Variants in SP140 observed in about 807,000 individuals in gnomAD.
The protein encoded by SP140 is SP140 nuclear body protein, also known as nuclear body protein SP140.
Under a neutral mutation model 125.0 loss-of-function variants are expected in SP140, and 81 were observed. The ratio of observed to expected loss-of-function variants is 0.65; its 90% CI spans 0.54 to 0.78. The LOEUF is 0.78. Among genes scored for constraint, SP140 ranks in the 30% least tolerant of loss-of-function variants. The pLI is 0.00. For synonymous variants in SP140, 312 were observed against 354.0 expected, an observed-to-expected ratio of 0.88 and a Z score of 1.33; for missense variants, 858 against 1,037.0, an observed-to-expected ratio of 0.83 and a Z score of 2.37.
chr2:230,190,906 A>G, the SP140 span, among the ~76,000 whole-genome samples: 3 of 151,972 alleles, frequency 2.0e-5, no homozygotes, highest in Non-Finnish European at 2.9e-5. Flanking sequence ...GTTCTGCTCC[A>G]TGGTCTATAT....
At chr2:230,315,862 C>G (rs566789466), downstream of SP140, among the ~76,000 whole-genome samples, 8 of 152,236 alleles carry the variant, frequency 5.3e-5, no homozygotes, top group South Asian at 1.2e-3. Context: ...TAAAACTTAA[C>G]CAAGGAGTAG....
intron 5 of SP140, among the ~76,000 whole-genome samples, 191 bp downstream of exon 5, chr2:230,244,002 A>G (rs563258075): frequency 6.6e-6 from 1 of 152,350 alleles, no homozygotes; most frequent in Admixed American, 6.5e-5. Flanking sequence ...GAGAAGGATG[A>G]TGTCTTTCAT....
At chr2:230,216,648 T>C in intron 3 of SP140, 1 of 1,085,330 alleles carries the variant, frequency 9.2e-7, no homozygotes. Context: ...TACCCCCACC[T>C]TCTGTGATAA....
At chr2:230,258,700 T>C (rs1186877910) in intron 12 of SP140, among the ~76,000 whole-genome samples, 1 of 152,220 alleles carries the variant, frequency 6.6e-6, no homozygotes, top group African/African-American at 2.4e-5. Context: ...GCTGTTAACA[T>C]TGTTACTGAA....
intron 11 of SP140, among the ~76,000 whole-genome samples, 177 bp downstream of exon 11, chr2:230,253,594 T>C (rs546955733): frequency 1.1e-4 from 16 of 152,250 alleles, no homozygotes; most frequent in African/African-American, 3.9e-4. Context: ...AGACAAAGGA[T>C]CAAGCTAAGG....
intron 1 of SP140, among the ~76,000 whole-genome samples, chr2:230,205,949 G>T (rs1371659648): frequency 2.0e-5 from 3 of 152,166 alleles, no homozygotes; most frequent in Non-Finnish European, 4.4e-5. Context: ...GGCCCATAGA[G>T]AATACACATA....
At chr2:230,220,513 A>G (rs774835621) in intron 3 of SP140, among the ~76,000 whole-genome samples, 9 of 152,314 alleles carry the variant, frequency 5.9e-5, no homozygotes, top group Middle Eastern at 6.8e-3. Context: ...CATGAACTGG[A>G]ATTGTGCAGA....
chr2:230,290,498 G>T lies in SP140; in HGVS notation c.1759G>T (p.Ala587Ser), dbSNP rs772851133. ...CAAAGATGAAACTGTGGATTTTAAGGCTCCTTTGCTTCCAGTGACCTGTGG... is the reference window on the plus strand; with the variant it reads ...CAAAGATGAAACTGTGGATTTTAAGTCTCCTTTGCTTCCAGTGACCTGTGG... ...KHKDETVDFK[A>S]PLLPVTCGGV... The change falls in exon 19 of 27, where the codon GCT becomes TCT. Residue 587 changes from alanine (A) to serine (S), a missense_variant. This residue lies in a region of SP140 where 791 missense variants were observed against 869.5 expected (regional missense o/e 0.91). Coordinates refer to ENST00000392045, the MANE Select transcript of SP140 (RefSeq NM_007237.5). The T allele has an allele frequency of 6.2e-7, 1 of 1,613,798 alleles. No individual in the cohort carries two copies. Among genetic ancestry groups the T allele is most frequent in the Non-Finnish European group, 8.5e-7 (1 of 1,179,934 alleles).
Position 230,245,058 on chromosome 2 carries a change from C to T in SP140, c.642C>T (p.Pro214=). ...GTGGAGGAGATGCTGAAGATGCACC[C>T]AGCCTACTACCAGGTGGGGGAGGTA... ...KAGGGDAEDA[P]SLLPGGGVSC... Residue 214 remains proline, a synonymous_variant, in exon 6 of 27, where the codon CCC becomes CCT. Coordinates refer to ENST00000392045, the MANE Select transcript of SP140 (RefSeq NM_007237.5). 6.2e-7 allele frequency: 1 copy of T among 1,612,018 alleles called. No homozygotes were observed. The highest frequency in any genetic ancestry group is 8.5e-7 in the Non-Finnish European group (1 of 1,178,322).
chr2:230,289,706 G>T (rs988849632), intron 18 of SP140, among the ~76,000 whole-genome samples: 1 of 152,066 alleles, frequency 6.6e-6, no homozygotes, highest in African/African-American at 2.4e-5. Context: ...AACTCCTGAC[G>T]TCAAGTGATC....
chr2:230,213,142 C>T lies in SP140; in HGVS notation c.-322-512C>T, dbSNP rs1574762395. On this transcript the variant is annotated intron_variant, in intron 1 of 4. Coordinates refer to the SP140 transcript ENST00000456542. ...ATGGGGGCATGGAGCTATTCATTGT[C>T]CCCCAGGTGCAGAGAACTGATTCAT... The T allele has an allele frequency of 8.0e-6, 8 of 998,216 alleles. No homozygotes were observed. In the East Asian group the frequency reaches 1.9e-4, roughly 24 times the overall value. The allele number at this position is 998,216 out of a possible 1,614,324, so 61.8% of individuals were successfully genotyped here.
At chr2:230,303,616 C>T (rs1386809028) in intron 22 of SP140, among the ~76,000 whole-genome samples, 2 of 151,952 alleles carry the variant, frequency 1.3e-5, no homozygotes, top group East Asian at 3.9e-4. Flanking sequence ...CTCATGTCAA[C>T]AAATGTGATA....
At chr2:230,266,497 T>C (rs923263933) in intron 12 of SP140, among the ~76,000 whole-genome samples, 3 of 152,220 alleles carry the variant, frequency 2.0e-5, no homozygotes, top group African/African-American at 7.2e-5. Context: ...ACCACAAATG[T>C]AATGGCTTAC....
At chr2:230,312,496 A>T (rs533006971) in intron 26 of SP140, 90 bp from the exon 27 acceptor site, 404 of 755,234 alleles carry the variant, frequency 5.3e-4, no homozygotes, top group Middle Eastern at 1.7e-3. Flanking sequence ...TTTTTTTTTT[A>T]AAGACAAGAG....
At chr2:230,295,741 A>G (rs1349524583) in intron 21 of SP140, among the ~76,000 whole-genome samples, 1 of 152,210 alleles carries the variant, frequency 6.6e-6, no homozygotes, top group African/African-American at 2.4e-5. Flanking sequence ...TGCTCATGAC[A>G]AGGGCCACAT....
At chr2:230,309,529 A>G (rs1242127280) in intron 22 of SP140, among the ~76,000 whole-genome samples, 1 of 152,202 alleles carries the variant, frequency 6.6e-6, no homozygotes, top group Non-Finnish European at 1.5e-5. Context: ...CATCATATGT[A>G]ATTAGCTAGG....
chr2:230,190,861 G>T, the SP140 span, among the ~76,000 whole-genome samples: 2 of 152,142 alleles, frequency 1.3e-5, no homozygotes, highest in Non-Finnish European at 2.9e-5. Context: ...AAGAACAGAT[G>T]GTTGTAGATG....
chr2:230,249,004 A>C (rs1225948778), intron 9 of SP140, 36 bp downstream of exon 9: 1 of 1,540,162 alleles, frequency 6.5e-7, no homozygotes, highest in Non-Finnish European at 9.0e-7. Context: ...ATTTGAGTAC[A>C]TCTTTGTTTT....
chr2:230,212,690 G>C (rs2044627499), intron 1 of SP140: 11 of 1,570,528 alleles, frequency 7.0e-6, no homozygotes, highest in Non-Finnish European at 9.6e-6. Context: ...AAGATGCTGG[G>C]ATTGGCGGCA....
Sources: allele counts gnomAD v4.1 joint callset (sites outside exome capture counted in the v4.1 genomes callset), GRCh38; gene constraint gnomAD v4.1.1; regional missense constraint gnomAD v4.1.1; transcripts MANE v1.5; gene names NCBI Gene and HGNC (gene_info 2026-07-23, HGNC 2026-07-21).